The following PNPLA7 variants were observed in gnomAD, a reference collection of about 807,000 sequenced individuals.
The protein encoded by PNPLA7 is patatin like domain 7, lysophospholipase.
Under a neutral mutation model 161.7 loss-of-function variants are expected in PNPLA7, and 153 were observed. That is an observed-to-expected ratio of 0.95 (90% CI 0.83 to 1.08). The LOEUF (loss-of-function observed/expected upper bound fraction) is 1.08. PNPLA7 is among the 50% of genes least tolerant of loss of function. PNPLA7 has a pLI of 0.00. For missense variants in PNPLA7, 1,739 were observed against 1,856.6 expected, an observed-to-expected ratio of 0.94 and a Z score of 1.16; for synonymous variants, 809 against 782.1, an observed-to-expected ratio of 1.03 and a Z score of -0.57.
At chr9:137,464,245 C>G in intron 27 of PNPLA7, 50 bp from the exon 28 acceptor site, 1 of 1,611,408 alleles carries the variant, frequency 6.2e-7, no homozygotes, top group South Asian at 1.1e-5. Flanking sequence ...CGCTCCTGTC[C>G]TGTGTCTGGG....
rs551256189 is a variant in PNPLA7, at chr9:137,540,796, A to T, written c.667-74T>A. 1.4e-6 allele frequency: 2 copies of T among 1,400,364 alleles called. No homozygotes were observed. The highest frequency in any genetic ancestry group is 1.9e-5 in the Admixed American group (1 of 51,810). 86.7% of individuals were successfully genotyped at this position (1,400,364 alleles called of 1,614,324 possible). A position where few individuals can be genotyped will look rare whatever the true frequency, so the allele number is the denominator to read the frequency against. On this transcript the variant is annotated intron_variant, in intron 7 of 34. Coordinates refer to ENST00000406427, the MANE Select transcript of PNPLA7 (RefSeq NM_001098537.3). The surrounding 1 kb of genome is among the most constrained non-coding windows in gnomAD (Gnocchi z 5.1). ...GCGGGGCCTGGCGGAGGCTCAGCCC[A>T]GCCCAGGGCAGTGGGGCCACGGGCC... is the stretch of plus-strand genomic sequence containing the variant.
At chr9:137,515,787 A>T (rs1161540154) in intron 11 of PNPLA7, among the ~76,000 whole-genome samples, 4 of 26,442 alleles carry the variant, frequency 1.5e-4, no homozygotes, top group Non-Finnish European at 7.3e-5. Flanking sequence ...TCCCCACCCC[A>T]TCCCCCTTCC....
chr9:137,482,413 C>A (rs1024239292), intron 21 of PNPLA7, among the ~76,000 whole-genome samples: 3 of 152,240 alleles, frequency 2.0e-5, no homozygotes, highest in African/African-American at 4.8e-5. Flanking sequence ...AAGAACTGAG[C>A]TCCAGGCCAG....
chr9:137,498,826 G>A (rs1213550169), intron 16 of PNPLA7, among the ~76,000 whole-genome samples: 5 of 152,194 alleles, frequency 3.3e-5, no homozygotes, highest in Admixed American at 1.3e-4. Context: ...GGGACGTGGG[G>A]CAACCTGCAC....
At chr9:137,521,788 A>T (rs1835006936) in intron 9 of PNPLA7, 72 bp from the exon 10 acceptor site, 1 of 1,345,900 alleles carries the variant, frequency 7.4e-7, no homozygotes, top group Admixed American at 2.1e-5. Flanking sequence ...AGCACCACAC[A>T]GAGCACTGAG....
intron 11 of PNPLA7, among the ~76,000 whole-genome samples, chr9:137,517,193 T>C (rs1303276582): frequency 5.2e-5 from 7 of 133,598 alleles, no homozygotes; most frequent in Admixed American, 1.5e-4. Context: ...CTCCACTCTG[T>C]CCACTCCATC....
At chr9:137,483,668 G>T (rs1016440319) in intron 21 of PNPLA7, among the ~76,000 whole-genome samples, 15 of 151,944 alleles carry the variant, frequency 9.9e-5, no homozygotes, top group African/African-American at 3.4e-4. Context: ...TGTTGGCCAG[G>T]CTTGTCTAGA....
chr9:137,550,121 G>GC, intron 1 of PNPLA7, 47 bp downstream of exon 1: 2 of 1,610,108 alleles, frequency 1.2e-6, no homozygotes, highest in Non-Finnish European at 1.7e-6. Flanking sequence ...GTCCAGAAAT[G>GC]CCCCCCAACT....
rs1831964738 is a variant in PNPLA7 at position 137,476,941 on chromosome 9, T to A, written c.2882+1093A>T. Reference sequence around the variant, plus strand: ...CTCATCACCTAGAACAGCCCCAGGCTGACAGGGCCCTGCCCTGGGGCCAGC... The same window carrying A: ...CTCATCACCTAGAACAGCCCCAGGCAGACAGGGCCCTGCCCTGGGGCCAGC... On this transcript the variant is annotated intron_variant, in intron 25 of 34. Transcript: ENST00000406427. The surrounding 1 kb of genome is among the most constrained non-coding windows in gnomAD (Gnocchi z 4.5). 6.6e-6 allele frequency among the ~76,000 whole-genome samples: 1 copy of A among 152,230 alleles called. No individual in the cohort carries two copies. Among genetic ancestry groups the A allele is most frequent in the African/African-American group, 2.4e-5 (1 of 41,456 alleles).
rs775049254 is a variant in PNPLA7 at position 137,543,525 on chromosome 9, G to A, written c.413C>T (p.Pro138Leu). ...GTCGGCCTCCAGCAGGGAGGGCGGG[G>A]GCTCCTTGGGCTGCAGGGCCGGGTA... ...KEYPALQPKE[P>L]PPSLLEADLT... Residue 138 changes from proline (P) to leucine (L), a missense_variant, in exon 6 of 35, where the codon CCC becomes CTC. By Grantham distance (98) the Pro-to-Leu change is moderately conservative. Around this residue, in one of 6 missense-constraint regions of PNPLA7, gnomAD observed 209 missense variants for 252.8 expected, o/e 0.83. Coordinates refer to ENST00000406427, the MANE Select transcript of PNPLA7 (RefSeq NM_001098537.3). This position sits in a 1 kb window ranked among gnomAD's most constrained non-coding sequence, Gnocchi z 6.9. 5 of 1,613,924 alleles carry A rather than the reference G, an allele frequency of 3.1e-6. No individual in the cohort carries two copies. Among genetic ancestry groups the A allele is most frequent in the African/African-American group, 2.7e-5 (2 of 75,056 alleles).
At chr9:137,542,604 G>C (rs201213487) in intron 7 of PNPLA7, 38 bp downstream of exon 7, 1 of 1,511,550 alleles carries the variant, frequency 6.6e-7, no homozygotes, top group Non-Finnish European at 8.9e-7. Context: ...AGGTAAATGC[G>C]CAGCCGCCTG....
Position 137,499,510 on chromosome 9 carries a change from G to T in PNPLA7, c.1757+1181C>A, listed in dbSNP as rs1281218919. On this transcript the variant is annotated intron_variant, in intron 16 of 34. Transcript: ENST00000406427. The surrounding 1 kb of genome is among the most constrained non-coding windows in gnomAD (Gnocchi z 5.5). Reference sequence around the variant, plus strand: ...CTGGGGATGCTCAGGAGGGAGATGGGTCCAGCTCCACCCAGGGTCCCCTGC... The same window carrying T: ...CTGGGGATGCTCAGGAGGGAGATGGTTCCAGCTCCACCCAGGGTCCCCTGC... Among the ~76,000 whole-genome samples, 2 of 152,344 alleles carry T rather than the reference G, an allele frequency of 1.3e-5. No individual in the cohort carries two copies. The highest frequency in any genetic ancestry group is 3.9e-4 in the East Asian group (2 of 5,180).
intron 14 of PNPLA7, among the ~76,000 whole-genome samples, chr9:137,503,125 T>G (rs1715536431): frequency 6.6e-6 from 1 of 152,066 alleles, no homozygotes; most frequent in African/African-American, 2.4e-5. Context: ...CTCATGCCTG[T>G]AATCCCAGAA....
intron 20 of PNPLA7, among the ~76,000 whole-genome samples, chr9:137,492,559 G>A: frequency 7.1e-6 from 1 of 140,702 alleles, no homozygotes; most frequent in African/African-American, 2.7e-5. Flanking sequence ...GTGGGTGGCC[G>A]GGGCTCCAGC....
rs1216429413 is a variant in PNPLA7 at position 137,466,805 on chromosome 9, G to A, written c.3039+512C>T. 5.8e-5 allele frequency among the ~76,000 whole-genome samples: 8 copies of A among 138,266 alleles called. No homozygotes were observed. In the East Asian group the frequency reaches 7.0e-4, roughly 12 times the overall value. 90.7% of individuals were successfully genotyped at this position (138,266 alleles called of 152,430 possible). A position where few individuals can be genotyped will look rare whatever the true frequency, so the allele number is the denominator to read the frequency against. ...CCACCGTCTCCACCAACTCAGACCC[G>A]GGCACGGATCAGACCACCTCCCACC... On this transcript the variant is annotated intron_variant, in intron 26 of 34. Transcript: ENST00000406427.
chr9:137,461,893 T>A, intron 32 of PNPLA7, 38 bp downstream of exon 32: 1 of 1,463,038 alleles, frequency 6.8e-7, no homozygotes, highest in Non-Finnish European at 9.2e-7. Context: ...CTGGGCGCGG[T>A]CCGGGGAGCT....
In PNPLA7 at chr9:137,499,792, C is replaced by T. The variant is rs1312248099; in HGVS notation, c.1757+899G>A. Among the ~76,000 whole-genome samples the T allele has an allele frequency of 6.6e-6, 1 of 152,228 alleles. No homozygotes were observed. ...ACAGGCGTGAGCCGCTGCACCCAGC[C>T]GACCTGTTTTCTTCAGCTGCTGTGC... On this transcript the variant is annotated intron_variant, in intron 16 of 34. Transcript: ENST00000406427. The surrounding 1 kb of genome is among the most constrained non-coding windows in gnomAD (Gnocchi z 5.5).
intron 26 of PNPLA7, chr9:137,464,709 C>G (rs1276303924): frequency 1.9e-6 from 1 of 517,184 alleles, no homozygotes; most frequent in Non-Finnish European, 3.5e-6. Flanking sequence ...CCCTCGCTGG[C>G]CCTACCCTCG....
chr9:137,492,029 G>C (rs922449451), intron 20 of PNPLA7: 2 of 985,310 alleles, frequency 2.0e-6, no homozygotes, highest in Non-Finnish European at 2.4e-6. Flanking sequence ...CAGGAGAGAG[G>C]AGCTCCCAGA....
Sources: allele counts gnomAD v4.1 joint callset (sites outside exome capture counted in the v4.1 genomes callset), GRCh38; gene constraint gnomAD v4.1.1; regional missense constraint gnomAD v4.1.1; non-coding constraint Gnocchi (gnomAD v3.1); transcripts MANE v1.5; gene names NCBI Gene and HGNC (gene_info 2026-07-23, HGNC 2026-07-21).